CDH12: variants seen among roughly 807,000 people sequenced by gnomAD.
CDH12 encodes cadherin 12.
In CDH12, 41 loss-of-function variants were observed where a neutral mutation model predicts 74.1. The observed-to-expected ratio is 0.55, with a 90% CI of 0.43 to 0.72. CDH12 has a LOEUF of 0.72. CDH12 is among the 30% of genes least tolerant of loss of function. The pLI is 0.00. For missense variants in CDH12, 945 were observed against 977.2 expected, an observed-to-expected ratio of 0.97 and a Z score of 0.44; for synonymous variants, 399 against 355.0, an observed-to-expected ratio of 1.12 and a Z score of -1.39.
chr5:22,078,849 C>T lies in CDH12; in HGVS notation c.-173G>A. ...GAAAAGGCTTCTGCTGTATTATATT[C>T]CATCTAAAGGGGCCTATGAAATAGA... On this transcript the variant is annotated 5_prime_UTR_variant, in exon 5 of 15. Transcript: ENST00000382254. 1 of 1,391,976 alleles carries T rather than the reference C, an allele frequency of 7.2e-7. No individual in the cohort carries two copies. Among genetic ancestry groups the T allele is most frequent in the Non-Finnish European group, 9.3e-7 (1 of 1,075,094 alleles). 86.2% of individuals were successfully genotyped at this position (1,391,976 alleles called of 1,614,324 possible).
intron 3 of CDH12, among the ~76,000 whole-genome samples, chr5:22,368,854 C>T (rs947960718): frequency 1.4e-4 from 22 of 152,058 alleles, no homozygotes; most frequent in Non-Finnish European, 2.2e-4. Context: ...AAACATCTTT[C>T]GGGTCAGGCG....
At chr5:21,807,358 C>T (rs1307678422) in intron 9 of CDH12, among the ~76,000 whole-genome samples, 1 of 152,110 alleles carries the variant, frequency 6.6e-6, no homozygotes, top group African/African-American at 2.4e-5. Context: ...CTCTGTCTTC[C>T]ACATGGCTAG....
At chr5:22,044,620 A>G (rs780743194) in intron 5 of CDH12, among the ~76,000 whole-genome samples, 2 of 152,220 alleles carry the variant, frequency 1.3e-5, no homozygotes, top group Non-Finnish European at 2.9e-5. Context: ...GAGCCAAAGT[A>G]TATCAGAGAA....
intron 1 of CDH12, among the ~76,000 whole-genome samples, chr5:22,591,544 C>T (rs2126799971): frequency 6.6e-6 from 1 of 152,060 alleles, no homozygotes; most frequent in East Asian, 1.9e-4. Flanking sequence ...AAAACAAGTT[C>T]CTGTTTTTTT....
chr5:22,089,953 A>G lies in CDH12; in HGVS notation c.-186-11091T>C, dbSNP rs116056462. Among the ~76,000 whole-genome samples, 871 of 152,164 alleles carry G rather than the reference A, an allele frequency of 5.7e-3. 8 individuals carry two copies. The highest frequency in any genetic ancestry group is 0.02 in the African/African-American group (833 of 41,572). ...TTATAACTGTAAGTGCCTACATTTA[A>G]AAATTCTCAAATCAATAATTTAACC... On this transcript the variant is annotated intron_variant, in intron 4 of 14. Coordinates refer to ENST00000382254, the MANE Select transcript of CDH12 (RefSeq NM_004061.5).
chr5:21,860,902 T>C (rs1261784754), intron 6 of CDH12, among the ~76,000 whole-genome samples: 1 of 152,076 alleles, frequency 6.6e-6, no homozygotes, highest in African/African-American at 2.4e-5. Flanking sequence ...CACCTTGCGA[T>C]CTTGTGAATC....
intron 6 of CDH12, among the ~76,000 whole-genome samples, chr5:21,884,482 T>A (rs1360409930): frequency 2.0e-5 from 3 of 152,240 alleles, no homozygotes; most frequent in Non-Finnish European, 2.9e-5. Flanking sequence ...TATAATGGTT[T>A]ACTGCTGTCA....
chr5:22,594,176 G>C (rs145876045), intron 1 of CDH12, among the ~76,000 whole-genome samples: 87 of 152,284 alleles, frequency 5.7e-4, no homozygotes, highest in African/African-American at 2.0e-3. Flanking sequence ...TTGGCAGGTA[G>C]AGCCCTAAAT....
intron 6 of CDH12, among the ~76,000 whole-genome samples, chr5:21,880,562 C>CTTTCCTTCCTT (rs1561268001): frequency 1.9e-5 from 1 of 51,828 alleles, no homozygotes; most frequent in African/African-American, 4.9e-5. Context: ...TTCCTTCCTT[C>CTTTCCTTCCTT]CCTTCTTTCT....
chr5:22,397,647 G>A (rs753496077), intron 3 of CDH12, among the ~76,000 whole-genome samples: 1 of 152,046 alleles, frequency 6.6e-6, no homozygotes, highest in African/African-American at 2.4e-5. Context: ...TCAGGCACTG[G>A]TAAAGTAGTA....
At chr5:22,285,688 G>A (rs1737104233) in intron 3 of CDH12, among the ~76,000 whole-genome samples, 3 of 152,036 alleles carry the variant, frequency 2.0e-5, no homozygotes. Flanking sequence ...AGAAATTTTA[G>A]TCTTCATATC....
chr5:22,332,380 T>C (rs938316471), intron 3 of CDH12, among the ~76,000 whole-genome samples: 2 of 152,138 alleles, frequency 1.3e-5, no homozygotes, highest in Non-Finnish European at 2.9e-5. Flanking sequence ...GAAGAAATAA[T>C]ACTTTTACCC....
chr5:22,617,008 G>A (rs927433433), intron 1 of CDH12, among the ~76,000 whole-genome samples: 5 of 152,036 alleles, frequency 3.3e-5, no homozygotes, highest in African/African-American at 1.2e-4. Flanking sequence ...GGGACTAGAG[G>A]TGTGTGCCAC....
chr5:22,548,352 C>T (rs912894923), intron 1 of CDH12, among the ~76,000 whole-genome samples: 1 of 152,126 alleles, frequency 6.6e-6, no homozygotes, highest in Non-Finnish European at 1.5e-5. Flanking sequence ...GTTTCCAATG[C>T]TTCTGCAACC....
intron 6 of CDH12, among the ~76,000 whole-genome samples, chr5:21,899,550 A>G (rs1030706279): frequency 3.9e-5 from 6 of 152,196 alleles, no homozygotes; most frequent in Non-Finnish European, 8.8e-5. Context: ...CTCAAAATTT[A>G]AACTCATTTA....
intron 5 of CDH12, among the ~76,000 whole-genome samples, chr5:21,996,578 C>T (rs572212268): frequency 6.6e-6 from 1 of 152,290 alleles, no homozygotes; most frequent in African/African-American, 2.4e-5. Context: ...ATCCAGTCCT[C>T]TGCCCAGGGT....
chr5:21,976,146 T>C (rs994358578), intron 5 of CDH12, among the ~76,000 whole-genome samples: 23 of 152,210 alleles, frequency 1.5e-4, no homozygotes, highest in Admixed American at 2.6e-4. Context: ...TCACTGATTA[T>C]CCTTTCAGAT....
intron 8 of CDH12, among the ~76,000 whole-genome samples, chr5:21,837,467 GGT>G (rs148260876): frequency 0.043 from 5,375 of 124,978 alleles, 279 homozygotes; most frequent in African/African-American, 0.18. Context: ...TCTGGAGAAA[GGT>G]TTTTTTTTTT....
intron 4 of CDH12, among the ~76,000 whole-genome samples, chr5:22,188,854 G>A (rs1379534584): frequency 6.6e-6 from 1 of 152,148 alleles, no homozygotes; most frequent in Non-Finnish European, 1.5e-5. Flanking sequence ...ATCAAGAGGC[G>A]ATGCTGGTTT....
Sources: gnomAD v4.1 joint callset for allele counts (sites outside exome capture counted in the v4.1 genomes callset) on GRCh38, gnomAD v4.1.1 for gene constraint, MANE v1.5 for transcripts, NCBI Gene and HGNC (gene_info 2026-07-23, HGNC 2026-07-21) for gene names.